The following NLGN1 variants were observed in gnomAD, a reference collection of about 807,000 sequenced individuals.
NLGN1 encodes neuroligin-1.
A neutral mutation model predicts 65.5 loss-of-function variants in NLGN1; 12 were observed. The ratio of observed to expected loss-of-function variants is 0.18; its 90% CI spans 0.12 to 0.30. The LOEUF is 0.30. NLGN1 is among the 10% of genes least tolerant of loss of function. The pLI is 1.00. For missense variants in NLGN1, 750 were observed against 1,007.1 expected (o/e 0.74, Z 3.46); for synonymous variants, 350 against 359.5 (o/e 0.97, Z 0.30).
chr3:174,051,680 G>A (rs1438529023), intron 4 of NLGN1, among the ~76,000 whole-genome samples: 1 of 152,014 alleles, frequency 6.6e-6, no homozygotes, highest in Non-Finnish European at 1.5e-5. Context: ...AGGGCTATGG[G>A]AAGAACTAAT....
intron 3 of NLGN1, among the ~76,000 whole-genome samples, chr3:173,651,302 G>GTT (rs1759138248): frequency 6.6e-6 from 1 of 150,512 alleles, no homozygotes; most frequent in East Asian, 2.0e-4. Context: ...ATATTTATGT[G>GTT]TTATATATAT....
chr3:174,199,392 A>G (rs1034295542), intron 4 of NLGN1, among the ~76,000 whole-genome samples: 2 of 113,096 alleles, frequency 1.8e-5, no homozygotes. Flanking sequence ...AATAATGGTA[A>G]TAGTAGTAAG....
intron 4 of NLGN1, among the ~76,000 whole-genome samples, chr3:174,165,913 T>A (rs1481145620): frequency 6.6e-6 from 1 of 152,092 alleles, no homozygotes; most frequent in East Asian, 1.9e-4. Flanking sequence ...TCCTTCCTGA[T>A]TCAATCGTGG....
At chr3:173,410,036 A>G (rs1712188603) in intron 1 of NLGN1, among the ~76,000 whole-genome samples, 1 of 152,312 alleles carries the variant, frequency 6.6e-6, no homozygotes, top group East Asian at 1.9e-4. Flanking sequence ...CTTGTTCTGC[A>G]TAATTCTTTA....
intron 4 of NLGN1, among the ~76,000 whole-genome samples, chr3:173,975,751 C>T (rs954718825): frequency 1.3e-5 from 2 of 151,962 alleles, no homozygotes; most frequent in African/African-American, 4.8e-5. Context: ...CCCTCCCACA[C>T]TATCATTTTC....
At chr3:174,144,673 T>C (rs1048888011) in intron 4 of NLGN1, among the ~76,000 whole-genome samples, 2 of 152,232 alleles carry the variant, frequency 1.3e-5, no homozygotes, top group African/African-American at 4.8e-5. Flanking sequence ...CCAGTGATGA[T>C]GAGCTTTTTT....
At chr3:174,274,750 T>C (rs570164966) in intron 4 of NLGN1, among the ~76,000 whole-genome samples, 2 of 151,992 alleles carry the variant, frequency 1.3e-5, no homozygotes, top group Admixed American at 1.3e-4. Flanking sequence ...TAATCATTGA[T>C]CATCATTGAT....
chr3:173,634,873 T>C (rs1756328435), intron 3 of NLGN1, among the ~76,000 whole-genome samples: 1 of 152,048 alleles, frequency 6.6e-6, no homozygotes, highest in Non-Finnish European at 1.5e-5. Flanking sequence ...CAGAAAGCGC[T>C]GTCAGGGAAG....
intron 4 of NLGN1, among the ~76,000 whole-genome samples, chr3:173,960,992 T>C (rs1381301268): frequency 6.6e-6 from 1 of 152,090 alleles, no homozygotes; most frequent in Non-Finnish European, 1.5e-5. Flanking sequence ...GAGTAACATA[T>C]CTTTATCTGT....
intron 4 of NLGN1, among the ~76,000 whole-genome samples, chr3:173,838,999 C>T (rs920301884): frequency 6.0e-5 from 9 of 151,046 alleles, no homozygotes; most frequent in South Asian, 2.1e-4. Flanking sequence ...AGCCATTTTT[C>T]GTGTCTTAAT....
chr3:174,209,878 G>C (rs752447251), intron 4 of NLGN1, among the ~76,000 whole-genome samples: 3 of 151,832 alleles, frequency 2.0e-5, no homozygotes, highest in African/African-American at 7.2e-5. Flanking sequence ...TGATCCACCC[G>C]TCTCGGCCTC....
chr3:174,140,496 G>A (rs1263787018), intron 4 of NLGN1, among the ~76,000 whole-genome samples: 1 of 152,002 alleles, frequency 6.6e-6, no homozygotes, highest in Non-Finnish European at 1.5e-5. Flanking sequence ...AGGAGACAGG[G>A]AATATTATTT....
At chr3:173,667,239 G>GCGCACACACA (rs150296232) in intron 3 of NLGN1, among the ~76,000 whole-genome samples, 1 of 147,328 alleles carries the variant, frequency 6.8e-6, no homozygotes, top group East Asian at 2.0e-4. Flanking sequence ...ACACGCATAT[G>GCGCACACACA]CACACACACA....
chr3:173,755,432 TAAAGG>T (rs1776949533), intron 3 of NLGN1, among the ~76,000 whole-genome samples: 1 of 152,146 alleles, frequency 6.6e-6, no homozygotes, highest in Admixed American at 6.6e-5. Context: ...CTATATTTTT[TAAAGG>T]AAAGAAATAT....
intron 3 of NLGN1, among the ~76,000 whole-genome samples, chr3:173,712,945 A>G (rs895637459): frequency 2.6e-5 from 4 of 152,142 alleles, no homozygotes; most frequent in Admixed American, 6.6e-5. Context: ...AGGAAGAGAC[A>G]ATGAGAGATA....
At chr3:174,066,558 CTCTCTCTG>C (rs1738633361) in intron 4 of NLGN1, among the ~76,000 whole-genome samples, 6 of 134,242 alleles carry the variant, frequency 4.5e-5, no homozygotes, top group South Asian at 4.7e-4. Context: ...CTCTCTCTCT[CTCTCTCTG>C]TGTGTGTGTG....
intron 4 of NLGN1, among the ~76,000 whole-genome samples, chr3:174,196,807 G>A (rs1200816495): frequency 1.3e-5 from 2 of 152,120 alleles, no homozygotes; most frequent in African/African-American, 4.8e-5. Flanking sequence ...AACACAAGTA[G>A]AACTTTGCAT....
intron 3 of NLGN1, among the ~76,000 whole-genome samples, 193 bp from the exon 4 acceptor site, chr3:173,807,487 A>G (rs1716914587): frequency 6.6e-6 from 1 of 152,166 alleles, no homozygotes; most frequent in South Asian, 2.1e-4. Flanking sequence ...TTTGATAGAA[A>G]ACAATGGATG....
intron 3 of NLGN1, among the ~76,000 whole-genome samples, chr3:173,752,668 C>T (rs1418383240): frequency 1.3e-5 from 2 of 152,088 alleles, no homozygotes; most frequent in Admixed American, 6.6e-5. Flanking sequence ...TCTCCACTTA[C>T]TACACTAAAC....
Sources: allele counts gnomAD v4.1 joint callset (sites outside exome capture counted in the v4.1 genomes callset), GRCh38; gene constraint gnomAD v4.1.1; transcripts MANE v1.5; gene names NCBI Gene and HGNC (gene_info 2026-07-23, HGNC 2026-07-21).